SNX3: variants seen among roughly 807,000 people sequenced by gnomAD.
SNX3 encodes sorting nexin-3.
Under a neutral mutation model 17.7 loss-of-function variants are expected in SNX3, and 5 were observed. The ratio of observed to expected loss-of-function variants is 0.28; its 90% confidence interval spans 0.15 to 0.59. The LOEUF (loss-of-function observed/expected upper bound fraction) is 0.59, where lower values mean the gene tolerates loss of function less well. Among genes scored for constraint, SNX3 ranks in the 20% least tolerant of loss-of-function variants. The pLI is 0.88. For synonymous variants in SNX3, 91 were observed against 76.5 expected, an observed-to-expected ratio of 1.19 and a Z score of -0.99; for missense variants, 132 against 206.8, an observed-to-expected ratio of 0.64 and a Z score of 2.22.
At chr6:108,235,146 CT>C (rs1775286007) in intron 1 of SNX3, among the ~76,000 whole-genome samples, 1 of 152,164 alleles carries the variant, frequency 6.6e-6, no homozygotes, top group African/African-American at 2.4e-5. Flanking sequence ...ATGTGACTGC[CT>C]TTGATCAAAC....
intron 1 of SNX3, among the ~76,000 whole-genome samples, chr6:108,246,310 ATTCTT>A (rs1775687159): frequency 2.0e-5 from 2 of 98,548 alleles, no homozygotes; most frequent in Non-Finnish European, 4.0e-5. Flanking sequence ...AGCTTTGAGC[ATTCTT>A]TTTTTTTTTT....
intron 1 of SNX3, among the ~76,000 whole-genome samples, chr6:108,231,671 C>A (rs1775163530): frequency 6.6e-6 from 1 of 152,156 alleles, no homozygotes; most frequent in Non-Finnish European, 1.5e-5. Context: ...CCTTTTAATT[C>A]CTTTTTCCTG....
intron 1 of SNX3, among the ~76,000 whole-genome samples, chr6:108,225,010 C>T (rs944406324): frequency 2.6e-5 from 4 of 151,934 alleles, no homozygotes; most frequent in Non-Finnish European, 4.4e-5. Context: ...CGGCAGGGCG[C>T]GGTGGCTCAT....
At position 108,211,958 on chromosome 6, in the gene SNX3, G is replaced by A. The variant is rs1325303900; in HGVS notation, c.*191C>T. The A allele has an allele frequency of 6.0e-6, 3 of 496,932 alleles. No homozygotes were observed. Among genetic ancestry groups the A allele is most frequent in the Non-Finnish European group, 7.1e-6 (2 of 282,676 alleles). 30.8% of individuals were successfully genotyped at this position (496,932 alleles called of 1,614,324 possible). ...AAGAGCTATTTATATAGAAAGGCTG[G>A]AATGAGGGATTTTTACTAAAGCAAA... is the stretch of plus-strand genomic sequence containing the variant. On this transcript the variant is annotated 3_prime_UTR_variant, in exon 4 of 4. Transcript: ENST00000230085.
chr6:108,218,215 A>C, intron 2 of SNX3, among the ~76,000 whole-genome samples: 1 of 152,208 alleles, frequency 6.6e-6, no homozygotes, highest in Non-Finnish European at 1.5e-5. Context: ...AACCCATTGA[A>C]AAAGGCAAAA....
chr6:108,238,098 T>G (rs1489393343), intron 1 of SNX3, among the ~76,000 whole-genome samples: 1 of 90,240 alleles, frequency 1.1e-5, no homozygotes, highest in Admixed American at 1.2e-4. Flanking sequence ...TGAGATCCTG[T>G]CTCAAAAAAA....
At chr6:108,233,467 C>A (rs1326657645) in intron 1 of SNX3, among the ~76,000 whole-genome samples, 1 of 152,202 alleles carries the variant, frequency 6.6e-6, no homozygotes, top group African/African-American at 2.4e-5. Context: ...TGCAACTGAT[C>A]TAGGGTGGAA....
At position 108,260,963 on chromosome 6, in the gene SNX3, C is replaced by T. The variant is rs1261606724; in HGVS notation, c.-42G>A. 6 of 1,473,732 alleles carry T rather than the reference C, an allele frequency of 4.1e-6. No homozygotes were observed. Among genetic ancestry groups the T allele is most frequent in the East Asian group, 2.8e-5 (1 of 36,218 alleles). 91.3% of individuals were successfully genotyped at this position (1,473,732 alleles called of 1,614,324 possible). ...CCGCCGCCGCGGGCTCCCTCCGCCC[C>T]CTCCGCGTTCAGCCGCCGCCGCCGC... On this transcript the variant is annotated 5_prime_UTR_variant, in exon 1 of 4. Coordinates refer to ENST00000230085, the MANE Select transcript of SNX3 (RefSeq NM_003795.6).
intron 1 of SNX3, among the ~76,000 whole-genome samples, chr6:108,229,117 G>A (rs1235965750): frequency 2.0e-5 from 3 of 151,932 alleles, no homozygotes; most frequent in African/African-American, 4.8e-5. Context: ...AACATTAGCC[G>A]GGTGAGGTGG....
chr6:108,260,066 T>C (rs1776143461), intron 1 of SNX3, among the ~76,000 whole-genome samples: 1 of 152,218 alleles, frequency 6.6e-6, no homozygotes, highest in Non-Finnish European at 1.5e-5. Flanking sequence ...TTCAATTAAG[T>C]GCAAATCTCG....
intron 1 of SNX3, among the ~76,000 whole-genome samples, chr6:108,228,727 A>G (rs1775047634): frequency 6.6e-6 from 1 of 152,066 alleles, no homozygotes; most frequent in African/African-American, 2.4e-5. Context: ...TGGTGAATAC[A>G]TTATCCATTA....
chr6:108,249,734 A>G (rs974619541), intron 1 of SNX3, among the ~76,000 whole-genome samples: 3 of 152,194 alleles, frequency 2.0e-5, no homozygotes, highest in Non-Finnish European at 4.4e-5. Context: ...TACAATTTCT[A>G]TGTAAAACTG....
chr6:108,238,566 G>A (rs540763644), intron 1 of SNX3, among the ~76,000 whole-genome samples: 1 of 152,020 alleles, frequency 6.6e-6, no homozygotes, highest in South Asian at 2.1e-4. Context: ...GGAATTTGAG[G>A]GCAGCCTAGG....
intron 2 of SNX3, among the ~76,000 whole-genome samples, chr6:108,220,097 T>C (rs1028249806): frequency 1.3e-5 from 2 of 152,314 alleles, no homozygotes; most frequent in African/African-American, 4.8e-5. Context: ...TGTTTTAAGC[T>C]AAGTGTTATT....
At chr6:108,256,413 C>T (rs1044085702) in intron 1 of SNX3, among the ~76,000 whole-genome samples, 5 of 152,138 alleles carry the variant, frequency 3.3e-5, no homozygotes, top group African/African-American at 4.8e-5. Context: ...TGATCACTGA[C>T]GTTTAATTTA....
At chr6:108,220,521 T>C (rs1320934518) in intron 2 of SNX3, among the ~76,000 whole-genome samples, 1 of 152,156 alleles carries the variant, frequency 6.6e-6, no homozygotes, top group African/African-American at 2.4e-5. Flanking sequence ...CTGTACCATA[T>C]AGCCTAGGTG....
chr6:108,249,347 G>T (rs1176569856), intron 1 of SNX3, among the ~76,000 whole-genome samples: 2 of 152,148 alleles, frequency 1.3e-5, no homozygotes, highest in Admixed American at 1.3e-4. Context: ...GCTTGAACCT[G>T]GGAAGTGGAG....
At chr6:108,253,807 G>T (rs1562441753) in intron 1 of SNX3, among the ~76,000 whole-genome samples, 1 of 152,078 alleles carries the variant, frequency 6.6e-6, no homozygotes, top group South Asian at 2.1e-4. Flanking sequence ...CTGCATATAA[G>T]TGCCCTTACT....
At chr6:108,252,858 G>A (rs889173106) in intron 1 of SNX3, among the ~76,000 whole-genome samples, 1 of 151,758 alleles carries the variant, frequency 6.6e-6, no homozygotes, top group Non-Finnish European at 1.5e-5. Flanking sequence ...GGCTGGTCTC[G>A]AACTCCTGAT....
Sources: allele counts gnomAD v4.1 joint callset (sites outside exome capture counted in the v4.1 genomes callset), GRCh38; gene constraint gnomAD v4.1.1; transcripts MANE v1.5; gene names NCBI Gene and HGNC (gene_info 2026-07-23, HGNC 2026-07-21).